ATP6V1G2: variants seen among roughly 807,000 people sequenced by gnomAD.
ATP6V1G2 encodes ATPase H+ transporting V1 subunit G2.
In ATP6V1G2, 14 loss-of-function variants were observed where a neutral mutation model predicts 17.8. The ratio of observed to expected loss-of-function variants is 0.79; its 90% CI spans 0.52 to 1.23. The LOEUF (loss-of-function observed/expected upper bound fraction) is 1.23, where lower values mean the gene tolerates loss of function less well. Among genes scored for constraint, ATP6V1G2 ranks in the 50% most tolerant of loss-of-function variants. ATP6V1G2 has a pLI of 0.00. For missense variants in ATP6V1G2, 112 were observed against 152.2 expected, an observed-to-expected ratio of 0.74 and a Z score of 1.39; for synonymous variants, 57 against 54.8, an observed-to-expected ratio of 1.04 and a Z score of -0.17.
Position 31,544,752 on chromosome 6 carries a change from A to T in ATP6V1G2, c.*656T>A, listed in dbSNP as rs1385641932. 1 of 456,632 alleles carries T rather than the reference A, an allele frequency of 2.2e-6. No homozygotes were observed. Among genetic ancestry groups the T allele is most frequent in the African/African-American group, 2.0e-5 (1 of 50,082 alleles). The allele number at this position is 456,632 out of a possible 1,614,324, so 28.3% of individuals were successfully genotyped here. A position where few individuals can be genotyped will look rare whatever the true frequency, so the allele number is the denominator to read the frequency against. On this transcript the variant is annotated 3_prime_UTR_variant, in exon 3 of 3. Coordinates refer to ENST00000303892, the MANE Select transcript of ATP6V1G2 (RefSeq NM_130463.4). ...GTCATCTCCTCTTTTTGGAGATCAG[A>T]AGGTCTCTGGGAAAAGAGAAGAACC...
Position 31,546,063 on chromosome 6 carries a change from C to T in ATP6V1G2, c.183+46G>A. On this transcript the variant is annotated intron_variant, in intron 2 of 2. Coordinates refer to ENST00000303892, the MANE Select transcript of ATP6V1G2 (RefSeq NM_130463.4). This position sits in a 1 kb window ranked among gnomAD's most constrained non-coding sequence, Gnocchi z 4.1. Reference sequence around the variant, plus strand: ...CCCTTACACACCTCACTAGATGCACCCACCAACTTGCAGTGGGGTCTCAAC... The same window carrying T: ...CCCTTACACACCTCACTAGATGCACTCACCAACTTGCAGTGGGGTCTCAAC... The T allele has an allele frequency of 6.3e-7, 1 of 1,588,444 alleles. No individual in the cohort carries two copies. The highest frequency in any genetic ancestry group is 1.7e-4 in the Middle Eastern group (1 of 6,000).
upstream of ATP6V1G2, chr6:31,546,619 C>T: frequency 6.7e-7 from 1 of 1,497,232 alleles, no homozygotes; most frequent in Non-Finnish European, 9.2e-7. This position sits in a 1 kb window ranked among gnomAD's most constrained non-coding sequence, Gnocchi z 4.1. Flanking sequence ...GGCTCCCACC[C>T]CCCACCGCTT....
Position 31,545,562 on chromosome 6 carries a change from T to A in ATP6V1G2, c.203A>T (p.Asn68Ile), listed in dbSNP as rs745841046. Residue 68 changes from asparagine to isoleucine, a missense_variant, in exon 3 of 3, where the codon AAC becomes ATC. Coordinates refer to ENST00000303892, the MANE Select transcript of ATP6V1G2 (RefSeq NM_130463.4). This position sits in a 1 kb window ranked among gnomAD's most constrained non-coding sequence, Gnocchi z 4.9. ...KQQAAMGSQG[N>I]LSAEVEQATR... ...AGCCTGCTCCACCTCAGCAGACAGG[T>A]TCCCCTGGGAGCCCATGGCCTGGGG... is the stretch of plus-strand genomic sequence containing the variant. 1 of 1,613,790 alleles carries A rather than the reference T, an allele frequency of 6.2e-7. No homozygotes were observed. Among genetic ancestry groups the A allele is most frequent in the Non-Finnish European group, 8.5e-7 (1 of 1,179,958 alleles).
rs931447608 is a variant in ATP6V1G2 at position 31,544,693 on chromosome 6, T to C, written c.*715A>G. The C allele has an allele frequency of 8.8e-6, 4 of 456,564 alleles. No individual in the cohort carries two copies. The highest frequency in any genetic ancestry group is 7.0e-5 in the Admixed American group (3 of 42,560). The allele number at this position is 456,564 out of a possible 1,614,324, so 28.3% of individuals were successfully genotyped here. A position where few individuals can be genotyped will look rare whatever the true frequency, so the allele number is the denominator to read the frequency against. ...AAAGAGAGGCTACAAAATGCAGTTA[T>C]CTACCTGGAATTATAAGAGAGGGGC... On this transcript the variant is annotated 3_prime_UTR_variant, in exon 3 of 3. Coordinates refer to ENST00000303892, the MANE Select transcript of ATP6V1G2 (RefSeq NM_130463.4).
rs1768832679 is a variant in ATP6V1G2, at chr6:31,544,790, A to G, written c.*618T>C. 2.2e-6 allele frequency: 1 copy of G among 456,354 alleles called. No individual in the cohort carries two copies. The highest frequency in any genetic ancestry group is 2.0e-5 in the African/African-American group (1 of 50,068). 28.3% of individuals were successfully genotyped at this position (456,354 alleles called of 1,614,324 possible). On this transcript the variant is annotated 3_prime_UTR_variant, in exon 3 of 3. Transcript: ENST00000303892. ...AAAGAGAAGAACCAATTTTTCAGAA[A>G]ATAACTAGGGTCACAGAATGAACAA...
In ATP6V1G2 at chr6:31,546,090, C is replaced by T. The variant is rs745804253; in HGVS notation, c.183+19G>A. The T allele has an allele frequency of 1.4e-5, 22 of 1,613,526 alleles. No individual in the cohort carries two copies. The highest frequency in any genetic ancestry group is 1.3e-4 in the East Asian group (6 of 44,872). ...ACCAACTTGCAGTGGGGTCTCAACC[C>T]GACTCTGCCTCAACTCACCGCCTGC... On this transcript the variant is annotated intron_variant, in intron 2 of 2. Transcript: ENST00000303892. The surrounding 1 kb of genome is among the most constrained non-coding windows in gnomAD (Gnocchi z 4.1).
In ATP6V1G2 at chr6:31,545,590, T is replaced by TA. The variant is rs751660102; in HGVS notation, c.184-10dup. 1.2e-6 allele frequency: 2 copies of TA among 1,611,348 alleles called. No individual in the cohort carries two copies. On this transcript the variant is annotated splice_polypyrimidine_tract_variant and intron_variant, in intron 2 of 2. Coordinates refer to ENST00000303892, the MANE Select transcript of ATP6V1G2 (RefSeq NM_130463.4). This position sits in a 1 kb window ranked among gnomAD's most constrained non-coding sequence, Gnocchi z 4.9. The stretch of plus-strand genomic sequence containing the variant: ...CCCTGGGAGCCCATGGCCTGGGGGG[T>TA]AGGGAGAGGGGTGGAAGAGAGAAAG...
In ATP6V1G2 at chr6:31,544,496, TTTA is replaced by T. The variant is rs1245536673; in HGVS notation, c.*909_*911del. ...CAATAATTATTTTATTGATACTTTT[TTTA>T]TTGTTACAATGGGAAAGTAAGGTGT... On this transcript the variant is annotated 3_prime_UTR_variant, in exon 3 of 3. Coordinates refer to ENST00000303892, the MANE Select transcript of ATP6V1G2 (RefSeq NM_130463.4). 4 of 232,538 alleles carry T rather than the reference TTTA, an allele frequency of 1.7e-5. No individual in the cohort carries two copies. The highest frequency in any genetic ancestry group is 1.7e-3 in the Middle Eastern group (1 of 592). 14.4% of individuals were successfully genotyped at this position (232,538 alleles called of 1,614,324 possible). A position where few individuals can be genotyped will look rare whatever the true frequency, so the allele number is the denominator to read the frequency against.
rs1768983033 is a variant in ATP6V1G2 at position 31,546,276 on chromosome 6, C to T, written c.83-67G>A. ...ACACACACAATGTAATAGCAGGAGT[C>T]AGTCCCTTCCAGAAAGTTATACAGC... On this transcript the variant is annotated intron_variant, in intron 1 of 2. Coordinates refer to ENST00000303892, the MANE Select transcript of ATP6V1G2 (RefSeq NM_130463.4). This position sits in a 1 kb window ranked among gnomAD's most constrained non-coding sequence, Gnocchi z 4.1. 3 of 1,467,992 alleles carry T rather than the reference C, an allele frequency of 2.0e-6. No individual in the cohort carries two copies. Among genetic ancestry groups the T allele is most frequent in the Non-Finnish European group, 2.9e-6 (3 of 1,051,850 alleles). The allele number at this position is 1,467,992 out of a possible 1,614,324, so 90.9% of individuals were successfully genotyped here.
chr6:31,546,649 G>A (rs1769025099), upstream of ATP6V1G2: 1 of 1,204,200 alleles, frequency 8.3e-7, no homozygotes, highest in Non-Finnish European at 1.2e-6. The surrounding 1 kb of genome is among the most constrained non-coding windows in gnomAD (Gnocchi z 4.1). Flanking sequence ...CCTCCAGCTC[G>A]TTGCTGCAGT....
In ATP6V1G2 at chr6:31,545,428, TG is replaced by T; in HGVS notation, c.336del (p.Asn113ThrfsTer33). 3 of 1,613,868 alleles carry T rather than the reference TG, an allele frequency of 1.9e-6. No homozygotes were observed. The highest frequency in any genetic ancestry group is 2.5e-6 in the Non-Finnish European group (3 of 1,179,950). The part of the protein sequence containing the change: ...MVCDVRPQVH[P>X]NYRISA Reference sequence around the variant, plus strand: ...TGGCCCTAGGCAGAAATCCGGTAGTTGGGGTGGACCTGGGGCCTGACGTCGC... The same window carrying T: ...TGGCCCTAGGCAGAAATCCGGTAGTTGGGTGGACCTGGGGCCTGACGTCGC... On this transcript the variant is annotated frameshift_variant, in exon 3 of 3. Coordinates refer to ENST00000303892, the MANE Select transcript of ATP6V1G2 (RefSeq NM_130463.4). LOFTEE classifies it high-confidence loss of function. This position sits in a 1 kb window ranked among gnomAD's most constrained non-coding sequence, Gnocchi z 4.9.
rs890284722 is a variant in ATP6V1G2 at position 31,545,236 on chromosome 6, G to C, written c.*172C>G. On this transcript the variant is annotated 3_prime_UTR_variant, in exon 3 of 3. Transcript: ENST00000303892. The surrounding 1 kb of genome is among the most constrained non-coding windows in gnomAD (Gnocchi z 4.9). ...AGTGAGGGTTAAAGAACAACAAGGA[G>C]ATTCAGATGTGAGCAGGATATTTAT... 1.0e-5 allele frequency: 8 copies of C among 775,344 alleles called. No homozygotes were observed. Among genetic ancestry groups the C allele is most frequent in the Non-Finnish European group, 1.4e-5 (7 of 491,822 alleles). The allele number at this position is 775,344 out of a possible 1,614,324, so 48.0% of individuals were successfully genotyped here. A position where few individuals can be genotyped will look rare whatever the true frequency, so the allele number is the denominator to read the frequency against.
Position 31,545,294 on chromosome 6 carries a change from C to G in ATP6V1G2, c.*114G>C. On this transcript the variant is annotated 3_prime_UTR_variant, in exon 3 of 3. Coordinates refer to ENST00000303892, the MANE Select transcript of ATP6V1G2 (RefSeq NM_130463.4). The surrounding 1 kb of genome is among the most constrained non-coding windows in gnomAD (Gnocchi z 4.9). ...ACAGGAAAATTATTGGATCCTGCCTCCCAGGATTTCTAGGGGATGGAAAGA... is the reference window on the plus strand; with the variant it reads ...ACAGGAAAATTATTGGATCCTGCCTGCCAGGATTTCTAGGGGATGGAAAGA... 1 of 1,264,382 alleles carries G rather than the reference C, an allele frequency of 7.9e-7. No individual in the cohort carries two copies. The highest frequency in any genetic ancestry group is 1.1e-6 in the Non-Finnish European group (1 of 920,976). 78.3% of individuals were successfully genotyped at this position (1,264,382 alleles called of 1,614,324 possible). A position where few individuals can be genotyped will look rare whatever the true frequency, so the allele number is the denominator to read the frequency against.
Position 31,546,159 on chromosome 6 carries a change from C to T in ATP6V1G2, c.133G>A (p.Glu45Lys), listed in dbSNP as rs1768970602. The T allele has an allele frequency of 1.2e-6, 2 of 1,614,092 alleles. No individual in the cohort carries two copies. Among genetic ancestry groups the T allele is most frequent in the Non-Finnish European group, 1.7e-6 (2 of 1,180,018 alleles). The change falls in exon 2 of 3, where the codon GAG becomes AAG. Residue 45 changes from glutamate to lysine, a missense_variant. By Grantham distance (56) the Glu-to-Lys change is moderately conservative (BLOSUM62 1). Coordinates refer to ENST00000303892, the MANE Select transcript of ATP6V1G2 (RefSeq NM_130463.4). This position sits in a 1 kb window ranked among gnomAD's most constrained non-coding sequence, Gnocchi z 4.1. ...TGCTCTCGCTCTCTGCGGTATTGCT[C>T]CACCTCCATCTGTGCCTCCTCCTTT... is the stretch of plus-strand genomic sequence containing the variant. ...QAKEEAQMEV[E>K]QYRREREHEF...
chr6:31,545,606 A>C lies in ATP6V1G2; in HGVS notation c.184-25T>G, dbSNP rs754259049. On this transcript the variant is annotated intron_variant, in intron 2 of 2. Transcript: ENST00000303892. This position sits in a 1 kb window ranked among gnomAD's most constrained non-coding sequence, Gnocchi z 4.9. ...CCTGGGGGGTAGGGAGAGGGGTGGA[A>C]GAGAGAAAGGGAAAAGCAGAAACAG... The C allele has an allele frequency of 3.7e-5, 60 of 1,609,470 alleles. No individual in the cohort carries two copies. The Admixed American group carries it at 4.1e-4, about 11-fold the overall frequency.
Position 31,544,842 on chromosome 6 carries a change from G to A in ATP6V1G2, c.*566C>T, listed in dbSNP as rs1484659225. On this transcript the variant is annotated 3_prime_UTR_variant, in exon 3 of 3. Coordinates refer to ENST00000303892, the MANE Select transcript of ATP6V1G2 (RefSeq NM_130463.4). ...TGGAATTAGAGAGCCAGTGATGGAC[G>A]TGAGGAAACAGCTGTGTAGGTTTTG... 6 of 451,704 alleles carry A rather than the reference G, an allele frequency of 1.3e-5. No homozygotes were observed. Among genetic ancestry groups the A allele is most frequent in the African/African-American group, 1.0e-4 (5 of 49,668 alleles). 28.0% of individuals were successfully genotyped at this position (451,704 alleles called of 1,614,324 possible).
Position 31,545,677 on chromosome 6 carries a change from A to G in ATP6V1G2, c.184-96T>C. 4 of 1,367,904 alleles carry G rather than the reference A, an allele frequency of 2.9e-6. No homozygotes were observed. The highest frequency in any genetic ancestry group is 2.9e-5 in the South Asian group (2 of 69,998). 84.7% of individuals were successfully genotyped at this position (1,367,904 alleles called of 1,614,324 possible). On this transcript the variant is annotated intron_variant, in intron 2 of 2. Transcript: ENST00000303892. This position sits in a 1 kb window ranked among gnomAD's most constrained non-coding sequence, Gnocchi z 4.9. ...GGGGAAAGATCCTGAAACAAAGCCT[A>G]GAAGAAAGGCCCTCTCAGAAACCAC...
In ATP6V1G2 at chr6:31,545,543, C is replaced by T. The variant is rs1430856884; in HGVS notation, c.222G>A (p.Glu74=). The T allele has an allele frequency of 6.2e-7, 1 of 1,613,894 alleles. No homozygotes were observed. Among genetic ancestry groups the T allele is most frequent in the African/African-American group, 1.3e-5 (1 of 74,920 alleles). ...CCTGCACCTGGCGCCTTGTAGCCTG[C>T]TCCACCTCAGCAGACAGGTTCCCCT... ...GSQGNLSAEV[E]QATRRQVQGM... Residue 74 remains glutamate (E), a synonymous_variant, in exon 3 of 3, where the codon GAG becomes GAA. Coordinates refer to ENST00000303892, the MANE Select transcript of ATP6V1G2 (RefSeq NM_130463.4). This position sits in a 1 kb window ranked among gnomAD's most constrained non-coding sequence, Gnocchi z 4.9.
rs202186454 is a variant in ATP6V1G2, at chr6:31,544,669, A to G, written c.*739T>C. ...GACAAAGATCAGCAAAAGAAAAACA[A>G]AGAGAGGCTACAAAATGCAGTTATC... On this transcript the variant is annotated 3_prime_UTR_variant, in exon 3 of 3. Coordinates refer to ENST00000303892, the MANE Select transcript of ATP6V1G2 (RefSeq NM_130463.4). 4.7e-6 allele frequency: 2 copies of G among 426,380 alleles called. No individual in the cohort carries two copies. Among genetic ancestry groups the G allele is most frequent in the Non-Finnish European group, 9.4e-6 (2 of 212,450 alleles). The allele number at this position is 426,380 out of a possible 1,614,324, so 26.4% of individuals were successfully genotyped here.
Sources: allele counts gnomAD v4.1 joint callset, GRCh38; gene constraint gnomAD v4.1.1; non-coding constraint Gnocchi (gnomAD v3.1); transcripts MANE v1.5; gene names NCBI Gene and HGNC (gene_info 2026-07-23, HGNC 2026-07-21).